The following BTNL2 variants were observed in gnomAD, a reference collection of about 807,000 sequenced individuals.
BTNL2 encodes butyrophilin like 2, also known as butyrophilin-like protein 2.
A neutral mutation model predicts 46.8 loss-of-function variants in BTNL2; 46 were observed. The ratio of observed to expected loss-of-function variants is 0.98; its 90% CI spans 0.78 to 1.26. BTNL2 has a LOEUF of 1.26. Among genes scored for constraint, BTNL2 ranks in the 50% most tolerant of loss-of-function variants. The probability of loss-of-function intolerance (pLI) is 0.00; values close to 1 mark genes in which losing one functional copy is unlikely to be tolerated. For missense variants in BTNL2, 461 were observed against 592.6 expected (o/e 0.78, Z 2.31); for synonymous variants, 226 against 229.1 (o/e 0.99, Z 0.12).
intron 4 of BTNL2, among the ~76,000 whole-genome samples, chr6:32,397,617 G>C (rs1175698457): frequency 6.6e-6 from 1 of 152,186 alleles, no homozygotes; most frequent in African/African-American, 2.4e-5. Context: ...TAATGCCTCA[G>C]TTTCTTAAAC....
rs1238653623 is a variant in BTNL2, at chr6:32,396,369, CAT to C, written c.746_747del (p.Asn249ArgfsTer68). 1.9e-6 allele frequency: 3 copies of C among 1,612,660 alleles called. No individual in the cohort carries two copies. The highest frequency in any genetic ancestry group is 1.7e-4 in the Middle Eastern group (1 of 6,060). On this transcript the variant is annotated frameshift_variant, in exon 5 of 8. Transcript: ENST00000454136. LOFTEE classifies it high-confidence loss of function. This position sits in a 1 kb window ranked among gnomAD's most constrained non-coding sequence, Gnocchi z 4.4. ...LQTELASLKV[N>X]GPSQPILVRV... is the part of the protein sequence containing the mutation. ...CTGACGAGGATGGGCTGGGAAGGTC[CAT>C]TCACTTTTAAAGAAGCTGTTAAATA...
rs766633825 is a variant in BTNL2 at position 32,394,956 on chromosome 6, G to C, written c.1148C>G (p.Ser383Ter). The C allele has an allele frequency of 6.2e-7, 1 of 1,614,124 alleles. No homozygotes were observed. The highest frequency in any genetic ancestry group is 1.7e-5 in the Admixed American group (1 of 60,028). The change falls in exon 6 of 8, where the codon TCA becomes TGA. Residue 383 changes from serine (S) to a stop codon, truncating the protein, a stop_gained. Coordinates refer to ENST00000454136, the MANE Select transcript of BTNL2 (RefSeq NM_001304561.2). LOFTEE classifies it high-confidence loss of function. This position sits in a 1 kb window ranked among gnomAD's most constrained non-coding sequence, Gnocchi z 4.6. ...GTGGGGCTGTGGGAACCACCCATCT[G>C]AAGAGCACATCGGCTGCATTTCTCC... ...EDGEMQPMCS[S>*]DGWFPQPHVP...
rs41504147 is a variant in BTNL2 at position 32,405,287 on chromosome 6, C to T, written c.80-1G>A. 1,589 of 1,612,668 alleles carry T rather than the reference C, an allele frequency of 9.9e-4. 13 individuals are homozygous for T. The African/African-American group carries it at 0.018, about 18-fold the overall frequency. ...GCAGGGCCAATGACTCTAAAGTCTT[C>T]TATAAAATAAGTGAAAAAGAGGAAC... is the stretch of plus-strand genomic sequence containing the variant. On this transcript the variant is annotated splice_acceptor_variant, in intron 1 of 7. Coordinates refer to ENST00000454136, the MANE Select transcript of BTNL2 (RefSeq NM_001304561.2). LOFTEE classifies it high-confidence loss of function.
rs1046842602 is a variant in BTNL2, at chr6:32,393,445, A to G, written c.*7-56T>C. 1.3e-5 allele frequency: 2 copies of G among 152,856 alleles called. No individual in the cohort carries two copies. The highest frequency in any genetic ancestry group is 4.8e-5 in the African/African-American group (2 of 41,454). 9.5% of individuals were successfully genotyped at this position (152,856 alleles called of 1,614,324 possible). A position where few individuals can be genotyped will look rare whatever the true frequency, so the allele number is the denominator to read the frequency against. On this transcript the variant is annotated intron_variant, in intron 7 of 7. Transcript: ENST00000454136. The surrounding 1 kb of genome is among the most constrained non-coding windows in gnomAD (Gnocchi z 4.8). ...TAATCAATATAATTTCATTCTATTAACAGCCAAACAGGAAGACAAGTGTTT... is the reference window on the plus strand; with the variant it reads ...TAATCAATATAATTTCATTCTATTAGCAGCCAAACAGGAAGACAAGTGTTT...
Position 32,403,103 on chromosome 6 carries a change from G to T in BTNL2, c.541C>A (p.Arg181=). 1.9e-6 allele frequency: 3 copies of T among 1,612,828 alleles called. No homozygotes were observed. The highest frequency in any genetic ancestry group is 2.5e-6 in the Non-Finnish European group (3 of 1,179,902). ...GACACGGCCAGCAGCTTCTCTCCCCGGATGTCTTCCCAATACACCTGGGGC... is the reference window on the plus strand; with the variant it reads ...GACACGGCCAGCAGCTTCTCTCCCCTGATGTCTTCCCAATACACCTGGGGC... ...PEPQVYWEDI[R]GEKLLAVSEH... is the part of the protein sequence containing the mutation. The change falls in exon 3 of 8, where the codon CGG becomes AGG. Residue 181 remains arginine (R), a synonymous_variant. Coordinates refer to ENST00000454136, the MANE Select transcript of BTNL2 (RefSeq NM_001304561.2).
At chr6:32,397,592 T>C (rs117759262) in intron 4 of BTNL2, among the ~76,000 whole-genome samples, 1,832 of 152,320 alleles carry the variant, frequency 0.012, 58 homozygotes, top group East Asian at 0.11. Context: ...TCTTAATCTG[T>C]CTTAAACTAC....
rs1437370495 is a variant in BTNL2 at position 32,405,041 on chromosome 6, G to A, written c.325C>T (p.Leu109=). ...ENGIAKGNVA[L]KIHNIQPSDN... is the part of the protein sequence containing the mutation. ...GAGGGCTGGATGTTGTGTATCTTCA[G>A]TGCCACATTTCCCTTTGCAATGCCA... The change falls in exon 2 of 8, where the codon CTG becomes TTG. Residue 109 remains leucine, a synonymous_variant. Coordinates refer to ENST00000454136, the MANE Select transcript of BTNL2 (RefSeq NM_001304561.2). 1 of 1,612,952 alleles carries A rather than the reference G, an allele frequency of 6.2e-7. No homozygotes were observed. Among genetic ancestry groups the A allele is most frequent in the African/African-American group, 1.3e-5 (1 of 74,912 alleles).
chr6:32,406,019 A>G (rs28732204), intron 1 of BTNL2: 3,751 of 153,398 alleles, frequency 0.024, 71 homozygotes, highest in South Asian at 0.058. Context: ...GATGTTTAAC[A>G]GTTATGTATG....
intron 1 of BTNL2, among the ~76,000 whole-genome samples, chr6:32,405,822 TTTTTTTG>T (rs1562261270): frequency 1.5e-5 from 2 of 132,876 alleles, no homozygotes; most frequent in African/African-American, 5.3e-5. Context: ...TTTTTTGTTT[TTTTTTTG>T]TTTGTTTTTT....
In BTNL2 at chr6:32,394,591, G is replaced by T; in HGVS notation, c.1360+153C>A. 3.7e-6 allele frequency: 3 copies of T among 816,692 alleles called. No individual in the cohort carries two copies. The highest frequency in any genetic ancestry group is 5.6e-6 in the Non-Finnish European group (3 of 537,842). 50.6% of individuals were successfully genotyped at this position (816,692 alleles called of 1,614,324 possible). A position where few individuals can be genotyped will look rare whatever the true frequency, so the allele number is the denominator to read the frequency against. ...ACTCAGAGGAGTAGAATCCCTGGGT[G>T]TCCTGAAAACCAGCTTTGCAGAGGA... On this transcript the variant is annotated intron_variant, in intron 6 of 7. Coordinates refer to ENST00000454136, the MANE Select transcript of BTNL2 (RefSeq NM_001304561.2). The surrounding 1 kb of genome is among the most constrained non-coding windows in gnomAD (Gnocchi z 4.6).
In BTNL2 at chr6:32,407,180, G is replaced by A. The variant is rs1216235060; in HGVS notation, c.-57C>T. The A allele has an allele frequency of 2.8e-6, 4 of 1,435,172 alleles. No homozygotes were observed. The highest frequency in any genetic ancestry group is 1.9e-4 in the Middle Eastern group (1 of 5,356). 88.9% of individuals were successfully genotyped at this position (1,435,172 alleles called of 1,614,324 possible). A position where few individuals can be genotyped will look rare whatever the true frequency, so the allele number is the denominator to read the frequency against. On this transcript the variant is annotated 5_prime_UTR_variant, in exon 1 of 8. Coordinates refer to ENST00000454136, the MANE Select transcript of BTNL2 (RefSeq NM_001304561.2). ...GCCTAAGTGAGGCTGTGACACACCCGGCACACTCCATGGCTTCCATTGGTT... is the reference window on the plus strand; with the variant it reads ...GCCTAAGTGAGGCTGTGACACACCCAGCACACTCCATGGCTTCCATTGGTT...
At chr6:32,404,901 T>C (rs1390622658) in intron 2 of BTNL2, 38 bp downstream of exon 2, 15 of 1,566,018 alleles carry the variant, frequency 9.6e-6, no homozygotes, top group Non-Finnish European at 1.2e-5. Context: ...AATATATCTC[T>C]GCCTCTTGAG....
Position 32,396,319 on chromosome 6 carries a change from G to A in BTNL2, c.798C>T (p.Thr266=). 1 of 1,612,882 alleles carries A rather than the reference G, an allele frequency of 6.2e-7. No homozygotes were observed. ...CATTCGCCTTGGGGGACAGGTAACA[G>A]GTTAGCTGTATATCTTCTCCCACTC... ...LVRVGEDIQL[T]CYLSPKANAQ... is the part of the protein sequence containing the mutation. The change falls in exon 5 of 8, where the codon ACC becomes ACT. Residue 266 remains threonine (T), a synonymous_variant. Transcript: ENST00000454136. The surrounding 1 kb of genome is among the most constrained non-coding windows in gnomAD (Gnocchi z 4.4).
Position 32,405,056 on chromosome 6 carries a change from T to G in BTNL2, c.310A>C (p.Lys104Gln), listed in dbSNP as rs531872861. The change falls in exon 2 of 8, where the codon AAG (lysine) becomes CAG (glutamine). Residue 104 changes from lysine (K) to glutamine (Q), a missense_variant. Transcript: ENST00000454136. ...WVEWIENGIA[K>Q]GNVALKIHNI... Reference sequence around the variant, plus strand: ...TGTATCTTCAGTGCCACATTTCCCTTTGCAATGCCATTCTCTATCCACTCT... The same window carrying G: ...TGTATCTTCAGTGCCACATTTCCCTGTGCAATGCCATTCTCTATCCACTCT... The G allele has an allele frequency of 2.5e-6, 4 of 1,613,086 alleles. No homozygotes were observed. The South Asian group carries it at 4.4e-5, about 18-fold the overall frequency.
At chr6:32,395,268 A>T (rs147864180) in intron 5 of BTNL2, among the ~76,000 whole-genome samples, 21 of 152,340 alleles carry the variant, frequency 1.4e-4, no homozygotes, top group African/African-American at 4.6e-4. Context: ...TAAATGTTCA[A>T]ATCCAACATT....
Position 32,396,129 on chromosome 6 carries a change from T to G in BTNL2, c.988A>C (p.Ser330Arg). The stretch of plus-strand genomic sequence containing the variant: ...TGCCCGTCGTCCGAAGGTCTGGCAC[T>G]GAGTATCTGCAGGGTCAGTCTGCCC... ...DEGRLTLQIL[S>R]ARPSDDGQYR... Residue 330 changes from serine (S) to arginine (R), a missense_variant, in exon 5 of 8, where the codon AGT becomes CGT. Coordinates refer to ENST00000454136, the MANE Select transcript of BTNL2 (RefSeq NM_001304561.2). This position sits in a 1 kb window ranked among gnomAD's most constrained non-coding sequence, Gnocchi z 4.4. 1 of 1,613,158 alleles carries G rather than the reference T, an allele frequency of 6.2e-7. No individual in the cohort carries two copies. The highest frequency in any genetic ancestry group is 1.3e-5 in the African/African-American group (1 of 75,074).
Position 32,393,654 on chromosome 6 carries a change from A to C in BTNL2, c.*7-265T>G, listed in dbSNP as rs1257883795. ...AACCTCAGCTCTCAGCCTTGAAAAC[A>C]AGGATGGCTGTACTACTCACTTTTT... On this transcript the variant is annotated intron_variant, in intron 7 of 7. Transcript: ENST00000454136. The surrounding 1 kb of genome is among the most constrained non-coding windows in gnomAD (Gnocchi z 4.8). 1.5e-5 allele frequency: 3 copies of C among 201,286 alleles called. No individual in the cohort carries two copies. The highest frequency in any genetic ancestry group is 2.3e-4 in the East Asian group (2 of 8,538). The allele number at this position is 201,286 out of a possible 1,614,324, so 12.5% of individuals were successfully genotyped here. A position where few individuals can be genotyped will look rare whatever the true frequency, so the allele number is the denominator to read the frequency against.
intron 4 of BTNL2, among the ~76,000 whole-genome samples, chr6:32,401,258 A>C (rs937369968): frequency 6.9e-6 from 1 of 145,288 alleles, no homozygotes; most frequent in South Asian, 2.2e-4. Context: ...CTACACTCAC[A>C]GTATCCCAGG....
At position 32,396,464 on chromosome 6, in the gene BTNL2, T is replaced by G. The variant is rs764760125; in HGVS notation, c.731-78A>C. The G allele has an allele frequency of 5.1e-6, 7 of 1,383,582 alleles. No homozygotes were observed. The highest frequency in any genetic ancestry group is 2.5e-5 in the East Asian group (1 of 40,804). The allele number at this position is 1,383,582 out of a possible 1,614,324, so 85.7% of individuals were successfully genotyped here. ...ATGTCATCTCTAAGAACAGCTCCATTGGAGTTTAGAAACCATGAGCATCCC... is the reference window on the plus strand; with the variant it reads ...ATGTCATCTCTAAGAACAGCTCCATGGGAGTTTAGAAACCATGAGCATCCC... On this transcript the variant is annotated intron_variant, in intron 4 of 7. Transcript: ENST00000454136. This position sits in a 1 kb window ranked among gnomAD's most constrained non-coding sequence, Gnocchi z 4.4.
Sources: gnomAD v4.1 joint callset for allele counts (sites outside exome capture counted in the v4.1 genomes callset) on GRCh38, gnomAD v4.1.1 for gene constraint, Gnocchi (gnomAD v3.1) non-coding constraint, MANE v1.5 for transcripts, NCBI Gene and HGNC (gene_info 2026-07-23, HGNC 2026-07-21) for gene names.